VPS35L: variants seen among roughly 807,000 people sequenced by gnomAD.
VPS35L encodes the protein VPS35 endosomal protein-sorting factor-like.
VPS35L carries 83 observed loss-of-function variants against 133.0 expected under a neutral mutation model. The observed-to-expected ratio is 0.62, with a 90% CI of 0.52 to 0.75. VPS35L has a LOEUF of 0.75. Ranked by LOEUF, VPS35L falls within the 30% of genes least tolerant of loss-of-function variation. The pLI is 0.00. For missense variants in VPS35L, 1,083 were observed against 1,206.8 expected, an observed-to-expected ratio of 0.90 and a Z score of 1.52; for synonymous variants, 423 against 449.9, an observed-to-expected ratio of 0.94 and a Z score of 0.76.
chr16:19,642,724 T>C (rs1210469063), intron 22 of VPS35L, among the ~76,000 whole-genome samples: 1 of 152,206 alleles, frequency 6.6e-6, no homozygotes, highest in Non-Finnish European at 1.5e-5. Flanking sequence ...GCTGGTTCCA[T>C]TCAAGTGAAC....
chr16:19,633,173 G>T lies in VPS35L; in HGVS notation c.1635+1G>T. 6.2e-7 allele frequency: 1 copy of T among 1,613,726 alleles called. No individual in the cohort carries two copies. Among genetic ancestry groups the T allele is most frequent in the Non-Finnish European group, 8.5e-7 (1 of 1,179,634 alleles). On this transcript the variant is annotated splice_donor_variant, in intron 19 of 30. Coordinates refer to ENST00000417362, the MANE Select transcript of VPS35L (RefSeq NM_020314.7). LOFTEE classifies it high-confidence loss of function. This position sits in a 1 kb window ranked among gnomAD's most constrained non-coding sequence, Gnocchi z 4.1. Reference sequence around the variant, plus strand: ...TGCATTTGAAGATTCCTACCCCCAGGTAACAGATTTGCATTTCTCATTTCA... The same window carrying T: ...TGCATTTGAAGATTCCTACCCCCAGTTAACAGATTTGCATTTCTCATTTCA...
chr16:19,602,992 T>G (rs910944497), intron 9 of VPS35L, among the ~76,000 whole-genome samples: 4 of 152,030 alleles, frequency 2.6e-5, no homozygotes, highest in Non-Finnish European at 5.9e-5. Context: ...CTCAAACTTC[T>G]GGGCCCAAGC....
chr16:19,696,749 T>C (rs766194519), intron 29 of VPS35L, among the ~76,000 whole-genome samples: 12 of 152,154 alleles, frequency 7.9e-5, no homozygotes, highest in Non-Finnish European at 1.5e-4. Context: ...CACATGCGAA[T>C]TGAGCTTTTT....
At chr16:19,606,800 C>T (rs551706036) in intron 9 of VPS35L, among the ~76,000 whole-genome samples, 2 of 152,212 alleles carry the variant, frequency 1.3e-5, no homozygotes, top group Admixed American at 6.5e-5. Flanking sequence ...TAAGGTCTTG[C>T]TCTGTCTTAC....
intron 22 of VPS35L, 46 bp downstream of exon 22, chr16:19,642,522 T>C: frequency 1.3e-6 from 2 of 1,512,354 alleles, no homozygotes; most frequent in South Asian, 1.1e-5. Flanking sequence ...TGGGTCTTAA[T>C]GCCACCTAAT....
In VPS35L at chr16:19,575,099, A is replaced by G. The variant is rs1453165254; in HGVS notation, c.410A>G (p.Asn137Ser). Residue 137 changes from asparagine (N) to serine (S), a missense_variant and splice_region_variant, in exon 5 of 31, where the codon AAT becomes AGT. By Grantham distance (46) the Asn-to-Ser change is conservative (BLOSUM62 1). Transcript: ENST00000417362. ...RYTTTEKLSI[N>S]LFMGSEKGKA... The stretch of plus-strand genomic sequence containing the variant: ...TTAATGAATTTTATGTCTCTGCAGA[A>G]TCTGTTTATGGGATCTGAAAAAGGT... 3 of 1,604,656 alleles carry G rather than the reference A, an allele frequency of 1.9e-6. No homozygotes were observed. Among genetic ancestry groups the G allele is most frequent in the Middle Eastern group, 1.7e-4 (1 of 6,056 alleles).
chr16:19,569,674 T>C (rs1971301721), intron 3 of VPS35L, 83 bp downstream of exon 3: 1 of 1,342,944 alleles, frequency 7.4e-7, no homozygotes, highest in Non-Finnish European at 9.8e-7. Context: ...CCCTGCCCTT[T>C]TTTTTCCCCT....
intron 26 of VPS35L, among the ~76,000 whole-genome samples, chr16:19,667,736 A>G (rs1974742214): frequency 7.1e-6 from 1 of 140,992 alleles, no homozygotes; most frequent in African/African-American, 2.7e-5. Context: ...CCTGTCTGGA[A>G]AAAAAAAAAA....
chr16:19,626,531 G>A, intron 15 of VPS35L, among the ~76,000 whole-genome samples: 1 of 152,184 alleles, frequency 6.6e-6, no homozygotes, highest in East Asian at 1.9e-4. Flanking sequence ...GGAGGCTGAG[G>A]CGTGTGGATC....
rs531755235 is a variant in VPS35L, at chr16:19,640,704, G to A, written c.1784+604G>A. On this transcript the variant is annotated intron_variant, in intron 21 of 30. Transcript: ENST00000417362. ...GTTTCCCAAAACTGCCCGACTGCTA[G>A]TGGTACATGAAATAATTTTAAGGTG... Among the ~76,000 whole-genome samples the A allele has an allele frequency of 1.2e-4, 19 of 152,326 alleles. No individual in the cohort carries two copies. In the South Asian group the frequency reaches 3.9e-3, roughly 32 times the overall value.
At chr16:19,606,141 C>A (rs569508905) in intron 9 of VPS35L, among the ~76,000 whole-genome samples, 1 of 152,292 alleles carries the variant, frequency 6.6e-6, no homozygotes, top group South Asian at 2.1e-4. Context: ...AGGCAGCCTG[C>A]CTTTAGCCTG....
chr16:19,638,006 A>G (rs1973673472), intron 20 of VPS35L, among the ~76,000 whole-genome samples: 1 of 152,170 alleles, frequency 6.6e-6, no homozygotes, highest in Admixed American at 6.5e-5. Context: ...TTGCTTTTTA[A>G]TCACACAGCC....
chr16:19,672,569 CAG>C (rs1344261111), intron 27 of VPS35L, among the ~76,000 whole-genome samples: 1 of 152,162 alleles, frequency 6.6e-6, no homozygotes, highest in African/African-American at 2.4e-5. Flanking sequence ...AGTCTTCAGA[CAG>C]AGGGGAGCGA....
At chr16:19,610,479 C>G (rs1972680652) in intron 12 of VPS35L, 64 bp downstream of exon 12, 2 of 1,282,664 alleles carry the variant, frequency 1.6e-6, no homozygotes, top group Non-Finnish European at 2.2e-6. Context: ...AATGTTCACA[C>G]AGGGCCCTCC....
intron 4 of VPS35L, 68 bp from the exon 5 acceptor site, chr16:19,575,030 T>G (rs778569074): frequency 1.1e-4 from 146 of 1,335,690 alleles, no homozygotes; most frequent in Non-Finnish European, 1.5e-4. Flanking sequence ...TGTAAATGGC[T>G]CTGTTGGAAA....
chr16:19,663,509 C>CT lies in VPS35L; in HGVS notation c.2222-5642dup, dbSNP rs949623726. ...GTATACAGCTGTGTGACTTTTTGTC[C>CT]TTTTTTTTTCTTTTTTTCCCCCGCC... On this transcript the variant is annotated intron_variant, in intron 26 of 30. Transcript: ENST00000417362. 6.7e-5 allele frequency among the ~76,000 whole-genome samples: 10 copies of CT among 149,442 alleles called. No homozygotes were observed. In the South Asian group the frequency reaches 1.1e-3, roughly 16 times the overall value.
At chr16:19,679,983 T>C (rs1377572783) in intron 27 of VPS35L, among the ~76,000 whole-genome samples, 1 of 152,246 alleles carries the variant, frequency 6.6e-6, no homozygotes, top group Non-Finnish European at 1.5e-5. Flanking sequence ...ACTGCATGTA[T>C]GCCTCCCCCT....
chr16:19,555,786 T>G (rs1354196450), intron 1 of VPS35L, 40 bp downstream of exon 1: 3 of 1,540,048 alleles, frequency 1.9e-6, no homozygotes, highest in Non-Finnish European at 2.6e-6. Flanking sequence ...AGAGGGGCTG[T>G]CCTTACTTGT....
At chr16:19,645,161 G>A (rs1567450873) in intron 23 of VPS35L, among the ~76,000 whole-genome samples, 1 of 152,064 alleles carries the variant, frequency 6.6e-6, no homozygotes, top group African/African-American at 2.4e-5. Flanking sequence ...GGTGGGGGGC[G>A]GGAGGGTGAT....
Sources: allele counts gnomAD v4.1 joint callset (sites outside exome capture counted in the v4.1 genomes callset), GRCh38; gene constraint gnomAD v4.1.1; non-coding constraint Gnocchi (gnomAD v3.1); transcripts MANE v1.5; gene names NCBI Gene and HGNC (gene_info 2026-07-23, HGNC 2026-07-21).